CNTN5: variants seen among roughly 807,000 people sequenced by gnomAD.
CNTN5 encodes the protein contactin-5.
Under a neutral mutation model 129.1 loss-of-function variants are expected in CNTN5, and 77 were observed. The ratio of observed to expected loss-of-function variants is 0.60; its 90% CI spans 0.50 to 0.72. The LOEUF (loss-of-function observed/expected upper bound fraction) is 0.72. CNTN5 is among the 30% of genes least tolerant of loss of function. CNTN5 has a pLI of 0.00. For synonymous variants in CNTN5, 509 were observed against 465.6 expected (o/e 1.09, Z -1.20); for missense variants, 1,478 against 1,328.8 (o/e 1.11, Z -1.75).
At chr11:100,173,956 A>G (rs972414147) in intron 13 of CNTN5, among the ~76,000 whole-genome samples, 2 of 152,152 alleles carry the variant, frequency 1.3e-5, no homozygotes, top group Non-Finnish European at 2.9e-5. Flanking sequence ...TCACAGCTGC[A>G]GGGTCCTGGG....
intron 3 of CNTN5, among the ~76,000 whole-genome samples, chr11:99,619,019 A>G (rs938726305): frequency 6.6e-6 from 1 of 152,328 alleles, no homozygotes; most frequent in African/African-American, 2.4e-5. Flanking sequence ...TAGTGAATAA[A>G]ATAATAGACA....
chr11:100,235,700 T>A (rs1192448365), intron 16 of CNTN5, among the ~76,000 whole-genome samples: 3 of 152,164 alleles, frequency 2.0e-5, no homozygotes, highest in Non-Finnish European at 4.4e-5. Context: ...CAGTTTGCAT[T>A]AGGTCGCTTA....
At chr11:99,036,800 T>A (rs898244424) in intron 1 of CNTN5, among the ~76,000 whole-genome samples, 4 of 152,190 alleles carry the variant, frequency 2.6e-5, no homozygotes, top group Middle Eastern at 3.2e-3. Context: ...TTATTTTAAT[T>A]TATGTTTAAT....
intron 8 of CNTN5, among the ~76,000 whole-genome samples, chr11:99,995,214 T>C (rs970998290): frequency 2.0e-5 from 3 of 152,076 alleles, no homozygotes; most frequent in Non-Finnish European, 4.4e-5. Flanking sequence ...AACCCAGAGT[T>C]TTCTGATCTG....
At chr11:99,474,167 A>G (rs937934036) in intron 2 of CNTN5, among the ~76,000 whole-genome samples, 29 of 151,982 alleles carry the variant, frequency 1.9e-4, no homozygotes, top group Non-Finnish European at 4.4e-5. Context: ...ATTCTAATTT[A>G]TATATAAAAA....
At chr11:99,529,857 G>T (rs1294280666) in intron 2 of CNTN5, among the ~76,000 whole-genome samples, 1 of 151,920 alleles carries the variant, frequency 6.6e-6, no homozygotes, top group Non-Finnish European at 1.5e-5. Context: ...AAAAATATGA[G>T]AATGAAAAAC....
At chr11:99,537,163 T>C (rs1356506746) in intron 2 of CNTN5, among the ~76,000 whole-genome samples, 2 of 152,170 alleles carry the variant, frequency 1.3e-5, no homozygotes, top group African/African-American at 2.4e-5. Flanking sequence ...CAAACCTGGA[T>C]GGTCTAACCA....
chr11:99,026,714 A>G (rs921569143), intron 1 of CNTN5, among the ~76,000 whole-genome samples: 2 of 151,658 alleles, frequency 1.3e-5, no homozygotes, highest in African/African-American at 4.8e-5. Flanking sequence ...CTAATAAGCA[A>G]GGGTATAAAA....
At chr11:100,055,921 A>G (rs1038315522) in intron 9 of CNTN5, among the ~76,000 whole-genome samples, 3 of 151,288 alleles carry the variant, frequency 2.0e-5, no homozygotes, top group Admixed American at 6.6e-5. Flanking sequence ...TACACCCTCT[A>G]GCTTTATACT....
intron 3 of CNTN5, among the ~76,000 whole-genome samples, chr11:99,687,139 C>G (rs1472396907): frequency 6.6e-6 from 1 of 151,358 alleles, no homozygotes; most frequent in Non-Finnish European, 1.5e-5. Context: ...TACGTATCTA[C>G]CATTCAAATT....
At chr11:99,791,380 A>G (rs1194307878) in intron 3 of CNTN5, among the ~76,000 whole-genome samples, 1 of 152,086 alleles carries the variant, frequency 6.6e-6, no homozygotes, top group Admixed American at 6.6e-5. Context: ...GGTTATTCCA[A>G]CATCATTTAT....
At chr11:99,213,254 T>C (rs1859903824) in intron 1 of CNTN5, among the ~76,000 whole-genome samples, 2 of 146,148 alleles carry the variant, frequency 1.4e-5, no homozygotes, top group African/African-American at 5.0e-5. Context: ...TGTATACATA[T>C]ATACATATAT....
intron 2 of CNTN5, among the ~76,000 whole-genome samples, chr11:99,380,109 G>GGT (rs1388812666): frequency 2.3e-5 from 3 of 132,128 alleles, no homozygotes; most frequent in Admixed American, 8.4e-5. Context: ...GTGTGTGTAT[G>GGT]GTGTGTGTGT....
Position 99,556,554 on chromosome 11 carries a change from AATATATATATATATATAT to A in CNTN5, c.55+308_55+325del, listed in dbSNP as rs199758207. Among the ~76,000 whole-genome samples the A allele has an allele frequency of 7.1e-4, 51 of 72,330 alleles. No homozygotes were observed. In the South Asian group the frequency reaches 8.2e-3, roughly 12 times the overall value. The allele number at this position is 72,330 out of a possible 152,430, so 47.5% of individuals were successfully genotyped here. ...CCATCTAGCTTTCAGAAGGCTTGGA[AATATATATATATATATAT>A]ATATATATATATATATATATATCTC... On this transcript the variant is annotated intron_variant, in intron 3 of 24. Coordinates refer to ENST00000524871, the MANE Select transcript of CNTN5 (RefSeq NM_014361.4).
At chr11:99,729,625 C>T (rs1349212309) in intron 3 of CNTN5, among the ~76,000 whole-genome samples, 1 of 152,072 alleles carries the variant, frequency 6.6e-6, no homozygotes, top group Non-Finnish European at 1.5e-5. Context: ...AAGTAATTCA[C>T]AGTGGCGGAG....
intron 7 of CNTN5, among the ~76,000 whole-genome samples, chr11:99,934,832 AC>A: frequency 6.7e-6 from 1 of 148,448 alleles, no homozygotes; most frequent in Non-Finnish European, 1.5e-5. Flanking sequence ...CTGAGATCGC[AC>A]CACTGCACTC....
chr11:100,040,374 C>A (rs1168954361), intron 9 of CNTN5, among the ~76,000 whole-genome samples: 6 of 152,196 alleles, frequency 3.9e-5, no homozygotes, highest in Non-Finnish European at 8.8e-5. Flanking sequence ...TGTCAGTCCG[C>A]CCCTACTTGG....
chr11:100,271,197 G>A lies in CNTN5; in HGVS notation c.2270G>A (p.Gly757Glu). The A allele has an allele frequency of 6.2e-7, 1 of 1,612,638 alleles. No individual in the cohort carries two copies. The highest frequency in any genetic ancestry group is 8.5e-7 in the Non-Finnish European group (1 of 1,179,488). Residue 757 changes from glycine (G) to glutamate (E), a missense_variant, in exon 18 of 25, where the codon GGA becomes GAA. Gly to Glu is a moderately conservative substitution (Grantham distance 98, BLOSUM62 -2). Coordinates refer to ENST00000524871, the MANE Select transcript of CNTN5 (RefSeq NM_014361.4). The stretch of plus-strand genomic sequence containing the variant: ...GTAGCCACCAACCCTATTGGGACAG[G>A]AGATCCAAGCACCCCATCTCGAATG... ...RVVATNPIGT[G>E]DPSTPSRMIR...
chr11:100,346,225 C>A (rs1267396264), intron 23 of CNTN5, among the ~76,000 whole-genome samples: 1 of 152,068 alleles, frequency 6.6e-6, no homozygotes, highest in Non-Finnish European at 1.5e-5. Context: ...AATTTGGGGT[C>A]TCTATCTAGA....
Sources: allele counts gnomAD v4.1 joint callset (sites outside exome capture counted in the v4.1 genomes callset), GRCh38; gene constraint gnomAD v4.1.1; transcripts MANE v1.5; gene names NCBI Gene and HGNC (gene_info 2026-07-23, HGNC 2026-07-21).